Variants in ABCA12 observed in about 807,000 individuals in gnomAD.
ABCA12 encodes the protein ATP binding cassette subfamily A member 12.
Under a neutral mutation model 293.5 loss-of-function variants are expected in ABCA12, and 156 were observed. The observed-to-expected ratio is 0.53, with a 90% CI of 0.47 to 0.61. The LOEUF is 0.61. ABCA12 is among the 20% of genes least tolerant of loss of function. ABCA12 has a pLI of 0.00. For missense variants in ABCA12, 2,797 were observed against 3,090.2 expected (o/e 0.91, Z 2.25); for synonymous variants, 1,063 against 1,108.0 (o/e 0.96, Z 0.81).
At chr2:214,947,753 G>C in intron 47 of ABCA12, 197 bp from the exon 48 acceptor site, 1 of 640,850 alleles carries the variant, frequency 1.6e-6, no homozygotes. Flanking sequence ...TATTTAAAGA[G>C]ATTCTTTGGA....
chr2:215,064,350 A>G (rs976245764), intron 2 of ABCA12, 131 bp from the exon 3 acceptor site: 11 of 856,706 alleles, frequency 1.3e-5, no homozygotes, highest in Non-Finnish European at 1.9e-5. Flanking sequence ...CTGAGCCCCA[A>G]CTCTGCAACT....
chr2:215,046,810 C>G (rs1446836516), intron 6 of ABCA12, among the ~76,000 whole-genome samples: 1 of 151,940 alleles, frequency 6.6e-6, no homozygotes, highest in Non-Finnish European at 1.5e-5. Context: ...ATAGCAAAGA[C>G]ATGAAATCAA....
chr2:215,061,359 T>C (rs1157417335), intron 3 of ABCA12, among the ~76,000 whole-genome samples: 1 of 151,978 alleles, frequency 6.6e-6, no homozygotes, highest in Non-Finnish European at 1.5e-5. Flanking sequence ...GTGACTGCAG[T>C]GTGATCATGT....
intron 2 of ABCA12, among the ~76,000 whole-genome samples, chr2:215,095,508 T>C (rs1702232846): frequency 6.6e-6 from 1 of 152,018 alleles, no homozygotes; most frequent in South Asian, 2.1e-4. Context: ...CAGTTTAATC[T>C]CTCCCATTCT....
chr2:214,995,759 A>G (rs1430076301), intron 23 of ABCA12, among the ~76,000 whole-genome samples: 1 of 152,148 alleles, frequency 6.6e-6, no homozygotes, highest in African/African-American at 2.4e-5. Context: ...ACTATTTTAC[A>G]TGCCACCAAG....
At chr2:215,051,069 T>A (rs999545217) in intron 5 of ABCA12, among the ~76,000 whole-genome samples, 1 of 152,150 alleles carries the variant, frequency 6.6e-6, no homozygotes, top group African/African-American at 2.4e-5. Flanking sequence ...TATGACAAAG[T>A]AGCATTTTGG....
rs1465690800 is a variant in ABCA12, at chr2:215,000,738, T to A, written c.3146A>T (p.Gln1049Leu). The change falls in exon 22 of 53, where the codon CAA becomes CTA. Residue 1049 changes from glutamine to leucine, a missense_variant. By Grantham distance (113) the Gln-to-Leu change is moderately radical (BLOSUM62 -2). Transcript: ENST00000272895. ...CATGAAGCAGGGATAAGGAATTGCT[T>A]GAACCTGGACTGCTATTTCCTGGGA... ...RNSQEIAVQV[Q>L]AIPYPCFMKD... 1 of 1,613,994 alleles carries A rather than the reference T, an allele frequency of 6.2e-7. No individual in the cohort carries two copies. Among genetic ancestry groups the A allele is most frequent in the Admixed American group, 1.7e-5 (1 of 60,004 alleles).
At chr2:214,937,040 G>A (rs1207067953) in intron 51 of ABCA12, among the ~76,000 whole-genome samples, 1 of 151,840 alleles carries the variant, frequency 6.6e-6, no homozygotes, top group African/African-American at 2.4e-5. Flanking sequence ...GTATGCTTTG[G>A]CATATCTTAC....
chr2:214,993,384 T>C (rs1559135839), intron 23 of ABCA12, among the ~76,000 whole-genome samples: 1 of 152,228 alleles, frequency 6.6e-6, no homozygotes, highest in Non-Finnish European at 1.5e-5. Context: ...AACTACAGTT[T>C]GGTGTGAAAA....
At position 214,932,269 on chromosome 2, in the gene ABCA12, C is replaced by G. The variant is rs750719136; in HGVS notation, c.*365G>C. ...ACCTGCCACAAACCATCTGACTTTT[C>G]TTCTCCACTCTTATATTTCAACTAC... On this transcript the variant is annotated 3_prime_UTR_variant, in exon 53 of 53. Transcript: ENST00000272895. 27 of 244,978 alleles carry G rather than the reference C, an allele frequency of 1.1e-4. No individual in the cohort carries two copies. The highest frequency in any genetic ancestry group is 2.2e-4 in the Non-Finnish European group (27 of 124,656). The allele number at this position is 244,978 out of a possible 1,614,324, so 15.2% of individuals were successfully genotyped here. A position where few individuals can be genotyped will look rare whatever the true frequency, so the allele number is the denominator to read the frequency against.
chr2:214,971,391 T>C (rs1200015110), intron 36 of ABCA12, among the ~76,000 whole-genome samples: 3 of 152,166 alleles, frequency 2.0e-5, no homozygotes, highest in Non-Finnish European at 4.4e-5. Context: ...GCACATGTAT[T>C]ATCTGTACTG....
chr2:215,055,316 T>C (rs1701398617), intron 3 of ABCA12, among the ~76,000 whole-genome samples: 1 of 152,052 alleles, frequency 6.6e-6, no homozygotes, highest in Admixed American at 6.6e-5. Context: ...ATGATCACAC[T>C]AGGTTTTAGA....
At chr2:214,963,057 A>C (rs1479617606) in intron 39 of ABCA12, 1 of 152,144 alleles carries the variant, frequency 6.6e-6, no homozygotes, top group Non-Finnish European at 1.5e-5. Context: ...GAAGATAAGA[A>C]ATAACCAAGA....
At chr2:214,984,726 C>T (rs1259476086) in intron 28 of ABCA12, among the ~76,000 whole-genome samples, 1 of 152,020 alleles carries the variant, frequency 6.6e-6, no homozygotes, top group Non-Finnish European at 1.5e-5. Flanking sequence ...GTCATTTTTG[C>T]ACTCTCCTCC....
At chr2:214,977,231 A>G (rs1341289948) in intron 33 of ABCA12, among the ~76,000 whole-genome samples, 1 of 152,230 alleles carries the variant, frequency 6.6e-6, no homozygotes, top group East Asian at 1.9e-4. Flanking sequence ...AATGTCAATG[A>G]AGGGAACATT....
chr2:215,044,520 G>A (rs754295045), intron 7 of ABCA12: 1 of 152,192 alleles, frequency 6.6e-6, no homozygotes, highest in Non-Finnish European at 1.5e-5. Flanking sequence ...AATTCTGAGT[G>A]AGTGAAAATT....
At chr2:215,108,912 A>G (rs1369457475) in intron 2 of ABCA12, among the ~76,000 whole-genome samples, 1 of 152,116 alleles carries the variant, frequency 6.6e-6, no homozygotes, top group Non-Finnish European at 1.5e-5. Flanking sequence ...TACTAAAAAT[A>G]CAAAAATTAG....
intron 5 of ABCA12, 117 bp downstream of exon 5, chr2:215,052,370 G>C (rs1320628496): frequency 4.8e-6 from 4 of 826,330 alleles, no homozygotes; most frequent in Non-Finnish European, 2.0e-6. Context: ...AGTTGCCTGA[G>C]ATATTACCCT....
At chr2:214,944,088 G>T (rs779665340) in intron 49 of ABCA12, among the ~76,000 whole-genome samples, 13 of 152,208 alleles carry the variant, frequency 8.5e-5, no homozygotes, top group Non-Finnish European at 1.5e-4. Flanking sequence ...GGAAGGACTG[G>T]TAAGATTAGA....
Sources: allele counts gnomAD v4.1 joint callset (sites outside exome capture counted in the v4.1 genomes callset), GRCh38; gene constraint gnomAD v4.1.1; transcripts MANE v1.5; gene names NCBI Gene and HGNC (gene_info 2026-07-23, HGNC 2026-07-21).